The following NRXN1 variants were observed in gnomAD, a reference collection of about 807,000 sequenced individuals.
NRXN1 encodes the protein neurexin 1, also known as neurexin-1.
A neutral mutation model predicts 150.9 loss-of-function variants in NRXN1; 39 were observed. The ratio of observed to expected loss-of-function variants is 0.26; its 90% CI spans 0.20 to 0.34. NRXN1 has a LOEUF of 0.34. Among genes scored for constraint, NRXN1 ranks in the 10% least tolerant of loss-of-function variants. NRXN1 has a pLI of 1.00. For missense variants in NRXN1, 1,815 were observed against 1,949.9 expected, an observed-to-expected ratio of 0.93 and a Z score of 1.30; for synonymous variants, 924 against 757.0, an observed-to-expected ratio of 1.22 and a Z score of -3.62.
intron 17 of NRXN1, among the ~76,000 whole-genome samples, chr2:50,239,681 T>TATATATATATATATATATATAC (rs2065818014): frequency 1.2e-5 from 1 of 84,692 alleles, no homozygotes; most frequent in South Asian, 3.2e-4. Flanking sequence ...TATATATATA[T>TATATATATATATATATATATAC]ATATATATAT....
chr2:50,207,259 A>G (rs2062667373), intron 18 of NRXN1, among the ~76,000 whole-genome samples: 1 of 151,504 alleles, frequency 6.6e-6, no homozygotes, highest in African/African-American at 2.4e-5. Flanking sequence ...TGAATTTACT[A>G]AGAGTATAAG....
chr2:50,335,890 GTT>G (rs5831112), intron 17 of NRXN1, among the ~76,000 whole-genome samples: 3,933 of 145,406 alleles, frequency 0.027, 178 homozygotes, highest in African/African-American at 0.093. Flanking sequence ...AGTCCTTTCT[GTT>G]TTTTTTTTTT....
At chr2:50,149,465 T>C (rs897143403) in intron 18 of NRXN1, among the ~76,000 whole-genome samples, 1 of 151,758 alleles carries the variant, frequency 6.6e-6, no homozygotes, top group Admixed American at 6.6e-5. Flanking sequence ...GCAAATGATA[T>C]GGAATACCAT....
At chr2:50,950,060 C>T (rs1691052826) in intron 2 of NRXN1, among the ~76,000 whole-genome samples, 1 of 152,138 alleles carries the variant, frequency 6.6e-6, no homozygotes, top group Non-Finnish European at 1.5e-5. Flanking sequence ...AGCAGAATAA[C>T]AACACTGGAA....
At chr2:51,014,148 C>T (rs969146739) in intron 2 of NRXN1, among the ~76,000 whole-genome samples, 2 of 152,052 alleles carry the variant, frequency 1.3e-5, no homozygotes, top group African/African-American at 2.4e-5. Flanking sequence ...TGCAGTGATG[C>T]TGCTGCTGGG....
At chr2:50,384,441 G>C (rs1201973251) in intron 17 of NRXN1, among the ~76,000 whole-genome samples, 3 of 148,014 alleles carry the variant, frequency 2.0e-5, no homozygotes, top group Admixed American at 1.4e-4. Flanking sequence ...AAGAGGTGGA[G>C]GTTGCAGTGA....
At chr2:50,459,463 C>T (rs1477679919) in intron 17 of NRXN1, among the ~76,000 whole-genome samples, 1 of 152,088 alleles carries the variant, frequency 6.6e-6, no homozygotes, top group African/African-American at 2.4e-5. Flanking sequence ...CTCCCTCTTC[C>T]CACTCCACCC....
At chr2:49,967,419 A>C (rs970198513) in intron 21 of NRXN1, among the ~76,000 whole-genome samples, 2 of 152,118 alleles carry the variant, frequency 1.3e-5, no homozygotes, top group African/African-American at 4.8e-5. Context: ...AAAATGATGG[A>C]GATACATTCA....
At chr2:51,017,737 ATATT>A (rs1668948860) in intron 2 of NRXN1, among the ~76,000 whole-genome samples, 1 of 151,854 alleles carries the variant, frequency 6.6e-6, no homozygotes, top group Non-Finnish European at 1.5e-5. Flanking sequence ...GTAACTTCCT[ATATT>A]TAGAATGTTT....
intron 5 of NRXN1, among the ~76,000 whole-genome samples, chr2:50,718,009 T>C (rs1201602534): frequency 6.6e-6 from 1 of 152,164 alleles, no homozygotes; most frequent in African/African-American, 2.4e-5. Flanking sequence ...TACAACAGTT[T>C]ATATGCCCAC....
intron 2 of NRXN1, among the ~76,000 whole-genome samples, chr2:50,954,458 C>T (rs527760492): frequency 7.9e-5 from 12 of 152,264 alleles, no homozygotes; most frequent in East Asian, 5.8e-4. Context: ...CAACCCAGAG[C>T]GGGTTCAGCC....
intron 2 of NRXN1, among the ~76,000 whole-genome samples, chr2:50,955,478 T>C (rs1446358408): frequency 1.3e-5 from 2 of 152,220 alleles, no homozygotes; most frequent in South Asian, 2.1e-4. Context: ...AAAAGTGACA[T>C]TGAAAATATG....
intron 21 of NRXN1, among the ~76,000 whole-genome samples, chr2:49,968,252 A>G (rs148086310): frequency 6.6e-6 from 1 of 152,216 alleles, no homozygotes; most frequent in African/African-American, 2.4e-5. Flanking sequence ...GGTCTGAGAC[A>G]GTTATGCAGT....
At chr2:50,475,292 G>A (rs1010454261) in intron 15 of NRXN1, among the ~76,000 whole-genome samples, 2 of 152,066 alleles carry the variant, frequency 1.3e-5, no homozygotes, top group African/African-American at 4.8e-5. Flanking sequence ...CTGAAGGAGA[G>A]AGACTGTGTT....
At chr2:50,977,385 T>G (rs1374049116) in intron 2 of NRXN1, among the ~76,000 whole-genome samples, 4 of 151,940 alleles carry the variant, frequency 2.6e-5, no homozygotes, top group African/African-American at 9.7e-5. Context: ...ATACATAATT[T>G]TACATATGAC....
At chr2:49,937,061 G>C (rs1671168542) in intron 22 of NRXN1, among the ~76,000 whole-genome samples, 1 of 152,112 alleles carries the variant, frequency 6.6e-6, no homozygotes, top group Non-Finnish European at 1.5e-5. Context: ...GGAGGACTTG[G>C]GAGCCATCTC....
intron 5 of NRXN1, among the ~76,000 whole-genome samples, chr2:50,828,351 C>T (rs1272754191): frequency 5.3e-5 from 8 of 149,626 alleles, no homozygotes; most frequent in African/African-American, 1.7e-4. Flanking sequence ...CCAGATGGGG[C>T]GGCTGGCCTG....
chr2:50,044,925 T>G (rs2152602117), intron 21 of NRXN1, among the ~76,000 whole-genome samples: 1 of 152,302 alleles, frequency 6.6e-6, no homozygotes, highest in South Asian at 2.1e-4. Context: ...GCCTATTTTG[T>G]TTTGTTTTGT....
intron 18 of NRXN1, among the ~76,000 whole-genome samples, chr2:50,235,960 CTT>C (rs1482600902): frequency 6.6e-6 from 1 of 151,966 alleles, no homozygotes; most frequent in African/African-American, 2.4e-5. Flanking sequence ...ATTCATATCT[CTT>C]AATAAAAGAC....
Sources: gnomAD v4.1 joint callset for allele counts (sites outside exome capture counted in the v4.1 genomes callset) on GRCh38, gnomAD v4.1.1 for gene constraint, MANE v1.5 for transcripts, NCBI Gene and HGNC (gene_info 2026-07-23, HGNC 2026-07-21) for gene names.